ADIPOR2: variants seen among roughly 807,000 people sequenced by gnomAD.
ADIPOR2 encodes the protein adiponectin receptor protein 2.
A neutral mutation model predicts 40.9 loss-of-function variants in ADIPOR2; 18 were observed. That is an observed-to-expected ratio of 0.44 (90% CI 0.30 to 0.65). The LOEUF (loss-of-function observed/expected upper bound fraction) is 0.65, where lower values mean the gene tolerates loss of function less well. ADIPOR2 is among the 30% of genes least tolerant of loss of function. ADIPOR2 has a pLI of 0.09. For synonymous variants in ADIPOR2, 165 were observed against 166.4 expected (o/e 0.99, Z 0.06); for missense variants, 283 against 479.2 (o/e 0.59, Z 3.82).
At chr12:1,698,661 A>G (rs2094644247) in intron 1 of ADIPOR2, among the ~76,000 whole-genome samples, 2 of 152,238 alleles carry the variant, frequency 1.3e-5, no homozygotes, top group African/African-American at 2.4e-5. Flanking sequence ...ATGGATATTT[A>G]GATTATATAA....
intron 2 of ADIPOR2, among the ~76,000 whole-genome samples, chr12:1,761,905 A>G (rs990670914): frequency 1.3e-5 from 2 of 152,220 alleles, no homozygotes; most frequent in African/African-American, 2.4e-5. Context: ...CCCATTTAAG[A>G]AATTCATTTG....
intron 1 of ADIPOR2, among the ~76,000 whole-genome samples, chr12:1,726,386 CG>C (rs1415114837): frequency 1.3e-5 from 2 of 152,008 alleles, no homozygotes; most frequent in Non-Finnish European, 2.9e-5. Flanking sequence ...TTAGTAGAGA[CG>C]GGGTTTCACC....
chr12:1,783,944 G>T lies in ADIPOR2; in HGVS notation c.903G>T (p.Gly301=), dbSNP rs775127983. 6 of 1,613,616 alleles carry T rather than the reference G, an allele frequency of 3.7e-6. No homozygotes were observed. The African/African-American group carries it at 6.7e-5, about 18-fold the overall frequency. The change falls in exon 7 of 8, where the codon GGG becomes GGT. Residue 301 remains glycine, a synonymous_variant. Transcript: ENST00000357103. ...IPTLHYVISE[G]FLKAATIGQI... ...CCTTGCACTATGTCATCTCGGAGGG[G>T]TTCCTTAAGGCCGCCACCATAGGGC...
At chr12:1,724,993 A>AT (rs2094704985) in intron 1 of ADIPOR2, among the ~76,000 whole-genome samples, 1 of 152,210 alleles carries the variant, frequency 6.6e-6, no homozygotes, top group African/African-American at 2.4e-5. Context: ...GAGTCACTCT[A>AT]TACCATCACA....
At chr12:1,723,453 C>T (rs1454039330) in intron 1 of ADIPOR2, among the ~76,000 whole-genome samples, 16 of 135,788 alleles carry the variant, frequency 1.2e-4, no homozygotes, top group African/African-American at 4.1e-4. Context: ...AGTGAAACCC[C>T]GTCTCTACTG....
chr12:1,754,415 G>A lies in ADIPOR2; in HGVS notation c.72G>A (p.Gly24=). 2 of 1,613,498 alleles carry A rather than the reference G, an allele frequency of 1.2e-6. No homozygotes were observed. ...AGCCAGATATAAGGCTCAGAAAAGG[G>A]CACCAACTGGATGGTACACGAAGAG... The part of the protein sequence containing the change: ...TPEPDIRLRK[G]HQLDGTRRGD... The change falls in exon 2 of 8, where the codon GGG becomes GGA. Residue 24 remains glycine, a synonymous_variant. Coordinates refer to ENST00000357103, the MANE Select transcript of ADIPOR2 (RefSeq NM_024551.3).
chr12:1,742,157 A>T (rs2094744277), intron 1 of ADIPOR2, among the ~76,000 whole-genome samples: 1 of 152,138 alleles, frequency 6.6e-6, no homozygotes, highest in South Asian at 2.1e-4. Context: ...CAGTGGTGCG[A>T]TCACAGCTGC....
At position 1,786,050 on chromosome 12, in the gene ADIPOR2, G is replaced by A; in HGVS notation, c.1139G>A (p.Cys380Tyr). 6.2e-7 allele frequency: 1 copy of A among 1,614,020 alleles called. No homozygotes were observed. The highest frequency in any genetic ancestry group is 8.5e-7 in the Non-Finnish European group (1 of 1,180,008). Residue 380 changes from cysteine (C) to tyrosine (Y), a missense_variant, in exon 8 of 8, where the codon TGC (cysteine) becomes TAC (tyrosine). Cys to Tyr is a radical substitution (Grantham distance 194, BLOSUM62 -2). This residue lies in a region of ADIPOR2 where 106 missense variants were observed against 149.7 expected (regional missense o/e 0.71). Coordinates refer to ENST00000357103, the MANE Select transcript of ADIPOR2 (RefSeq NM_024551.3). ...QEFRFMIGGG[C>Y]SEEDAL ...TTTCGTTTCATGATCGGCGGGGGCT[G>A]CAGTGAAGAGGATGCACTGTGATAC...
chr12:1,753,387 GAGAGA>G (rs1862047174), intron 1 of ADIPOR2, among the ~76,000 whole-genome samples: 1 of 152,240 alleles, frequency 6.6e-6, no homozygotes, highest in Non-Finnish European at 1.5e-5. Context: ...GTCCAGTTTA[GAGAGA>G]AATTAATGAT....
chr12:1,738,106 C>T (rs982197705), intron 1 of ADIPOR2, among the ~76,000 whole-genome samples: 3 of 150,458 alleles, frequency 2.0e-5, no homozygotes, highest in Admixed American at 1.3e-4. Context: ...GGTGTGGTAG[C>T]TCTTGCCTGT....
At chr12:1,710,103 A>G (rs1182728450) in intron 1 of ADIPOR2, among the ~76,000 whole-genome samples, 1 of 152,242 alleles carries the variant, frequency 6.6e-6, no homozygotes, top group Admixed American at 6.5e-5. Context: ...CTCTGTGGCT[A>G]GCTAGAGGTT....
At chr12:1,705,877 A>G (rs138868306) in intron 1 of ADIPOR2, among the ~76,000 whole-genome samples, 8 of 152,300 alleles carry the variant, frequency 5.3e-5, no homozygotes, top group Middle Eastern at 3.4e-3. Context: ...CAGATAGATA[A>G]AGATTTGAAT....
chr12:1,776,892 T>G (rs968858148), intron 3 of ADIPOR2, among the ~76,000 whole-genome samples: 1 of 152,246 alleles, frequency 6.6e-6, no homozygotes, highest in African/African-American at 2.4e-5. Flanking sequence ...GTCATTTTGT[T>G]TGATCTTCAT....
At position 1,754,399 on chromosome 12, in the gene ADIPOR2, T is replaced by C. The variant is rs755516299; in HGVS notation, c.56T>C (p.Ile19Thr). 1.1e-5 allele frequency: 17 copies of C among 1,613,330 alleles called. No homozygotes were observed. The highest frequency in any genetic ancestry group is 2.2e-5 in the East Asian group (1 of 44,840). Reference sequence around the variant, plus strand: ...TGCAGCAGGACTCCAGAGCCAGATATAAGGCTCAGAAAAGGGCACCAACTG... The same window carrying C: ...TGCAGCAGGACTCCAGAGCCAGATACAAGGCTCAGAAAAGGGCACCAACTG... ...LGCSRTPEPDIRLRKGHQLDG... is the reference protein window; with the variant it reads ...LGCSRTPEPDTRLRKGHQLDG... Residue 19 changes from isoleucine (I) to threonine (T), a missense_variant, in exon 2 of 8, where the codon ATA becomes ACA. Coordinates refer to ENST00000357103, the MANE Select transcript of ADIPOR2 (RefSeq NM_024551.3).
At chr12:1,699,125 A>G (rs1021379319) in intron 1 of ADIPOR2, among the ~76,000 whole-genome samples, 1 of 152,034 alleles carries the variant, frequency 6.6e-6, no homozygotes. Flanking sequence ...CTAATAGACT[A>G]TATATTTCTT....
At chr12:1,725,621 A>C (rs768115661) in intron 1 of ADIPOR2, among the ~76,000 whole-genome samples, 1 of 152,254 alleles carries the variant, frequency 6.6e-6, no homozygotes, top group Non-Finnish European at 1.5e-5. Flanking sequence ...AACTAAGTAC[A>C]TCATTTAAAA....
At chr12:1,718,233 T>C (rs144481545) in intron 1 of ADIPOR2, among the ~76,000 whole-genome samples, 1 of 152,284 alleles carries the variant, frequency 6.6e-6, no homozygotes, top group African/African-American at 2.4e-5. Flanking sequence ...TGGACTGTGA[T>C]GGTATAAAGT....
At chr12:1,702,834 C>T (rs2094653212) in intron 1 of ADIPOR2, 1 of 152,168 alleles carries the variant, frequency 6.6e-6, no homozygotes, top group Admixed American at 6.5e-5. Flanking sequence ...GGGGTGATCA[C>T]TCTGTGGTTC....
rs148331003 is a variant in ADIPOR2 at position 1,748,310 on chromosome 12, G to A, written c.-86-5948G>A. 8.8e-3 allele frequency among the ~76,000 whole-genome samples: 1,336 copies of A among 152,026 alleles called. 46 individuals carry two copies. In the East Asian group the frequency reaches 0.09, roughly 10 times the overall value. On this transcript the variant is annotated intron_variant, in intron 1 of 7. Coordinates refer to ENST00000357103, the MANE Select transcript of ADIPOR2 (RefSeq NM_024551.3). ...GTCGCCCAGGCTGGAGTGCAGTGGC[G>A]CGATCTCGGCTCACTGCAAACTCCG... is the stretch of plus-strand genomic sequence containing the variant.
Sources: gnomAD v4.1 joint callset for allele counts (sites outside exome capture counted in the v4.1 genomes callset) on GRCh38, gnomAD v4.1.1 for gene constraint, gnomAD v4.1.1 regional missense constraint, MANE v1.5 for transcripts, NCBI Gene and HGNC (gene_info 2026-07-23, HGNC 2026-07-21) for gene names.